The following DCAF5 variants were observed in gnomAD, a reference collection of about 807,000 sequenced individuals.
The protein encoded by DCAF5 is DDB1- and CUL4-associated factor 5.
In DCAF5, 9 loss-of-function variants were observed where a neutral mutation model predicts 80.7. That is an observed-to-expected ratio of 0.11 (90% CI 0.07 to 0.19). The LOEUF (loss-of-function observed/expected upper bound fraction) is 0.19. Ranked by LOEUF, DCAF5 falls within the 10% of genes least tolerant of loss-of-function variation. The pLI is 1.00. For synonymous variants in DCAF5, 433 were observed against 461.9 expected, an observed-to-expected ratio of 0.94 and a Z score of 0.80; for missense variants, 842 against 1,205.7, an observed-to-expected ratio of 0.70 and a Z score of 4.47.
At chr14:69,084,681 G>C (rs778019503) in intron 6 of DCAF5, 14 of 1,253,698 alleles carry the variant, frequency 1.1e-5, no homozygotes, top group Non-Finnish European at 1.6e-5. Flanking sequence ...TTTTCATCTT[G>C]TATGTCCGTG....
Position 69,118,130 on chromosome 14 carries a change from T to C in DCAF5, c.535+9A>G, listed in dbSNP as rs773793075. On this transcript the variant is annotated intron_variant, in intron 4 of 8. Coordinates refer to ENST00000341516, the MANE Select transcript of DCAF5 (RefSeq NM_003861.3). This position sits in a 1 kb window ranked among gnomAD's most constrained non-coding sequence, Gnocchi z 4.0. Reference sequence around the variant, plus strand: ...CACAGTCCAACAGTCATTTGCACAGTGAGCCTACCTCCATGGGGGGATTCC... The same window carrying C: ...CACAGTCCAACAGTCATTTGCACAGCGAGCCTACCTCCATGGGGGGATTCC... The C allele has an allele frequency of 6.2e-7, 1 of 1,613,814 alleles. No homozygotes were observed. The highest frequency in any genetic ancestry group is 8.5e-7 in the Non-Finnish European group (1 of 1,179,780).
At chr14:69,120,253 A>T (rs538760213) in intron 2 of DCAF5, among the ~76,000 whole-genome samples, 31 of 150,812 alleles carry the variant, frequency 2.1e-4, no homozygotes, top group East Asian at 7.8e-4. Context: ...CTGGCTAATT[A>T]AAAAAAAAAT....
intron 5 of DCAF5, among the ~76,000 whole-genome samples, chr14:69,098,893 CAAAAAAAAAAA>C (rs57089112): frequency 1.7e-5 from 1 of 59,578 alleles, no homozygotes; most frequent in African/African-American, 6.9e-5. Context: ...ACTCTGTCTC[CAAAAAAAAAAA>C]AAAAAAAAAA....
chr14:69,149,355 G>A (rs1163064993), intron 1 of DCAF5: 4 of 152,232 alleles, frequency 2.6e-5, no homozygotes, highest in Non-Finnish European at 2.9e-5. Flanking sequence ...GTACTTTTTC[G>A]GTTAAAGTAT....
chr14:69,061,319 G>A (rs2038206945), intron 8 of DCAF5, among the ~76,000 whole-genome samples: 1 of 152,104 alleles, frequency 6.6e-6, no homozygotes. Context: ...GCTTTTGGCA[G>A]GAACATCACC....
At position 69,153,062 on chromosome 14, in the gene DCAF5, C is replaced by G. The variant is rs1201362670; in HGVS notation, c.-84G>C. ...CCGCTGCTCCCCCCACCCGGCCCTCCCCCCGCGCTGCGATCCGGATGGTTC... is the reference window on the plus strand; with the variant it reads ...CCGCTGCTCCCCCCACCCGGCCCTCGCCCCGCGCTGCGATCCGGATGGTTC... On this transcript the variant is annotated 5_prime_UTR_variant, in exon 1 of 9. Transcript: ENST00000341516. 8.1e-6 allele frequency: 9 copies of G among 1,105,704 alleles called. No individual in the cohort carries two copies. Among genetic ancestry groups the G allele is most frequent in the South Asian group, 1.9e-5 (1 of 52,110 alleles). 68.5% of individuals were successfully genotyped at this position (1,105,704 alleles called of 1,614,324 possible). A position where few individuals can be genotyped will look rare whatever the true frequency, so the allele number is the denominator to read the frequency against.
intron 1 of DCAF5, among the ~76,000 whole-genome samples, chr14:69,125,145 T>C (rs2040837544): frequency 6.6e-6 from 1 of 152,218 alleles, no homozygotes; most frequent in Admixed American, 6.5e-5. Context: ...GCCCCGACTC[T>C]TAACCACTAT....
At chr14:69,112,681 GAAT>G (rs906451299) in intron 5 of DCAF5, among the ~76,000 whole-genome samples, 8 of 150,078 alleles carry the variant, frequency 5.3e-5, no homozygotes, top group Admixed American at 4.0e-4. Context: ...CTTAAAATAA[GAAT>G]AATAGAAGCT....
Position 69,054,492 on chromosome 14 carries a change from T to G in DCAF5, c.2194A>C (p.Thr732Pro), listed in dbSNP as rs201631331. The G allele has an allele frequency of 2.5e-6, 4 of 1,614,148 alleles. No homozygotes were observed. The highest frequency in any genetic ancestry group is 1.3e-5 in the African/African-American group (1 of 75,058). The change falls in exon 9 of 9, where the codon ACT becomes CCT. Residue 732 changes from threonine to proline, a missense_variant. This residue lies in a region of DCAF5 where 607 missense variants were observed against 656.6 expected (regional missense o/e 0.92). Coordinates refer to ENST00000341516, the MANE Select transcript of DCAF5 (RefSeq NM_003861.3). The stretch of plus-strand genomic sequence containing the variant: ...GTTCTAGGAGTCTCTTCTTTAAAAG[T>G]GTCCTTGCTGCAGCCTTCAGGTGGC... ...DLPPEGCSKDTFKEETPRTPS... is the reference protein window; with the variant it reads ...DLPPEGCSKDPFKEETPRTPS...
intron 1 of DCAF5, among the ~76,000 whole-genome samples, chr14:69,147,006 A>G (rs2041559155): frequency 6.6e-6 from 1 of 152,184 alleles, no homozygotes; most frequent in South Asian, 2.1e-4. Flanking sequence ...GCTTTATTTA[A>G]CTGGCTAAAG....
intron 1 of DCAF5, among the ~76,000 whole-genome samples, chr14:69,143,553 CTTTTTTT>C (rs562355110): frequency 5.9e-5 from 6 of 102,202 alleles, no homozygotes; most frequent in African/African-American, 2.3e-4. Flanking sequence ...ATCTGTTAAA[CTTTTTTT>C]TTTTTTTTTT....
intron 7 of DCAF5, among the ~76,000 whole-genome samples, chr14:69,067,719 C>A (rs1459190857): frequency 6.6e-6 from 1 of 151,732 alleles, no homozygotes; most frequent in African/African-American, 2.4e-5. Context: ...TCACTGCAAC[C>A]TTCACCTCCC....
At chr14:69,106,345 C>T (rs1452424458) in intron 5 of DCAF5, among the ~76,000 whole-genome samples, 6 of 151,250 alleles carry the variant, frequency 4.0e-5, no homozygotes, top group Non-Finnish European at 7.4e-5. Context: ...CATGAGCCAC[C>T]GTGCCCACCT....
At chr14:69,119,766 C>T (rs1036452064) in intron 2 of DCAF5, among the ~76,000 whole-genome samples, 1 of 150,866 alleles carries the variant, frequency 6.6e-6, no homozygotes, top group African/African-American at 2.4e-5. Context: ...TCAAGAAAAA[C>T]ACTAAATGAT....
chr14:69,068,755 C>T (rs1268626353), intron 7 of DCAF5, among the ~76,000 whole-genome samples: 3 of 149,564 alleles, frequency 2.0e-5, no homozygotes, highest in African/African-American at 7.4e-5. Flanking sequence ...TTTCCTGGTA[C>T]ATCTAAAAAA....
rs779522278 is a variant in DCAF5 at position 69,054,317 on chromosome 14, T to A, written c.2369A>T (p.Glu790Val). The A allele has an allele frequency of 1.2e-6, 2 of 1,614,206 alleles. No homozygotes were observed. Among genetic ancestry groups the A allele is most frequent in the East Asian group, 4.5e-5 (2 of 44,888 alleles). ...GGGGACAGGAGGAGAAGGCGGCTCCTCAGCCCGACTGCTCAGGGCCTTTCC... is the reference window on the plus strand; with the variant it reads ...GGGGACAGGAGGAGAAGGCGGCTCCACAGCCCGACTGCTCAGGGCCTTTCC... The part of the protein sequence containing the change: ...LNGKALSSRA[E>V]EPPSPPVPKA... Residue 790 changes from glutamate to valine, a missense_variant, in exon 9 of 9, where the codon GAG (glutamate) becomes GTG (valine). Transcript: ENST00000341516.
intron 5 of DCAF5, among the ~76,000 whole-genome samples, chr14:69,111,393 A>G (rs1221951448): frequency 6.6e-6 from 1 of 152,196 alleles, no homozygotes; most frequent in Non-Finnish European, 1.5e-5. Flanking sequence ...CCGTCTTATA[A>G]GATAAGTCTT....
In DCAF5 at chr14:69,054,905, G is replaced by C; in HGVS notation, c.1781C>G (p.Thr594Ser). 6.2e-7 allele frequency: 1 copy of C among 1,614,242 alleles called. No homozygotes were observed. Among genetic ancestry groups the C allele is most frequent in the Non-Finnish European group, 8.5e-7 (1 of 1,180,040 alleles). The change falls in exon 9 of 9, where the codon ACC (threonine) becomes AGC (serine). Residue 594 changes from threonine to serine, a missense_variant. Around this residue, in one of 5 missense-constraint regions of DCAF5, gnomAD observed 607 missense variants for 656.6 expected, o/e 0.92. Transcript: ENST00000341516. Reference protein sequence around the residue: ...RNAMRRRQKTTREDKPSAPIK... With the variant: ...RNAMRRRQKTSREDKPSAPIK... ...TGGGGCACTGGGCTTGTCTTCTCGGGTTGTCTTCTGTCGGCGCCGCATGGC... is the reference window on the plus strand; with the variant it reads ...TGGGGCACTGGGCTTGTCTTCTCGGCTTGTCTTCTGTCGGCGCCGCATGGC...
At chr14:69,115,815 C>T (rs2040526437) in intron 5 of DCAF5, among the ~76,000 whole-genome samples, 1 of 152,168 alleles carries the variant, frequency 6.6e-6, no homozygotes, top group Non-Finnish European at 1.5e-5. Context: ...TGGCTCTTAA[C>T]CTTTTGTTGT....
Sources: gnomAD v4.1 joint callset for allele counts (sites outside exome capture counted in the v4.1 genomes callset) on GRCh38, gnomAD v4.1.1 for gene constraint, gnomAD v4.1.1 regional missense constraint, Gnocchi (gnomAD v3.1) non-coding constraint, MANE v1.5 for transcripts, NCBI Gene and HGNC (gene_info 2026-07-23, HGNC 2026-07-21) for gene names.